DENND1B: variants seen among roughly 807,000 people sequenced by gnomAD.
DENND1B encodes the protein DENN domain containing 1B.
In DENND1B, 59 loss-of-function variants were observed where a neutral mutation model predicts 90.1. That is an observed-to-expected ratio of 0.65 (90% confidence interval 0.53 to 0.81). The LOEUF (loss-of-function observed/expected upper bound fraction) is 0.81, where lower values mean the gene tolerates loss of function less well. Among genes scored for constraint, DENND1B ranks in the 40% least tolerant of loss-of-function variants. The pLI is 0.00. For missense variants in DENND1B, 862 were observed against 912.6 expected (o/e 0.94, Z 0.71); for synonymous variants, 337 against 324.6 (o/e 1.04, Z -0.41).
intron 6 of DENND1B, among the ~76,000 whole-genome samples, chr1:197,654,002 C>G (rs1039449085): frequency 2.0e-5 from 3 of 152,100 alleles, no homozygotes; most frequent in Non-Finnish European, 4.4e-5. Flanking sequence ...ACAGCTTCAA[C>G]ATAAAATTAT....
At chr1:197,514,242 C>G (rs1043252751) in intron 20 of DENND1B, among the ~76,000 whole-genome samples, 1 of 151,672 alleles carries the variant, frequency 6.6e-6, no homozygotes, top group Admixed American at 6.6e-5. Context: ...ACCTTATCAA[C>G]TATTTGACTA....
chr1:197,649,490 A>G (rs115557334), intron 7 of DENND1B, among the ~76,000 whole-genome samples: 1 of 152,162 alleles, frequency 6.6e-6, no homozygotes, highest in Non-Finnish European at 1.5e-5. Context: ...CTACTATCAC[A>G]TGAAATCACA....
intron 5 of DENND1B, among the ~76,000 whole-genome samples, chr1:197,660,545 G>C (rs941152300): frequency 1.8e-4 from 28 of 152,020 alleles, no homozygotes; most frequent in African/African-American, 6.8e-4. Flanking sequence ...AAGAATGAGT[G>C]AATGAACAGC....
rs1025070161 is a variant in DENND1B at position 197,745,617 on chromosome 1, T to A, written c.82+27251A>T. ...TGATAACAGATCACCATATATATATTATATATATATATATATATATATAAT... is the reference window on the plus strand; with the variant it reads ...TGATAACAGATCACCATATATATATAATATATATATATATATATATATAAT... On this transcript the variant is annotated intron_variant, in intron 2 of 22. Transcript: ENST00000620048. Among the ~76,000 whole-genome samples the A allele has an allele frequency of 6.0e-5, 8 of 133,764 alleles. No individual in the cohort carries two copies. In the East Asian group the frequency reaches 8.3e-4, roughly 14 times the overall value. 87.8% of individuals were successfully genotyped at this position (133,764 alleles called of 152,430 possible).
chr1:197,510,715 A>G lies in DENND1B; in HGVS notation c.2073T>C (p.Pro691=), dbSNP rs755990594. ...TSGLDFQLTS[P]EVSQTDKGKT... is the part of the protein sequence containing the mutation. ...TTCCTTTATCAGTCTGGGAAACTTC[A>G]GGGGAAGTGAGTTGGAAATCCAGTC... Residue 691 remains proline (P), a synonymous_variant, in exon 23 of 23, where the codon CCT becomes CCC. Coordinates refer to ENST00000620048, the MANE Select transcript of DENND1B (RefSeq NM_001195215.2). The G allele has an allele frequency of 6.2e-7, 1 of 1,612,706 alleles. No homozygotes were observed. The highest frequency in any genetic ancestry group is 1.1e-5 in the South Asian group (1 of 91,038).
At chr1:197,552,173 A>C in intron 16 of DENND1B, 1 of 954,474 alleles carries the variant, frequency 1.0e-6, no homozygotes, top group South Asian at 4.8e-5. Flanking sequence ...TATAGACTGA[A>C]GTTTTTTTTC....
chr1:197,604,818 T>C (rs1676527132), intron 13 of DENND1B, among the ~76,000 whole-genome samples: 1 of 151,174 alleles, frequency 6.6e-6, no homozygotes, highest in South Asian at 2.1e-4. Context: ...TTCTGTCTAG[T>C]GGGGCAGGGG....
chr1:197,563,534 C>G (rs1354245939), intron 15 of DENND1B, among the ~76,000 whole-genome samples: 1 of 151,928 alleles, frequency 6.6e-6, no homozygotes, highest in African/African-American at 2.4e-5. Context: ...GAAACAAAGA[C>G]TCCTTTCAAA....
intron 20 of DENND1B, among the ~76,000 whole-genome samples, chr1:197,529,290 ATGTATATATG>A (rs1257933760): frequency 8.3e-5 from 12 of 145,434 alleles, no homozygotes; most frequent in East Asian, 4.0e-4. Context: ...ATGTATATAT[ATGTATATATG>A]TGTATATATG....
intron 2 of DENND1B, among the ~76,000 whole-genome samples, chr1:197,732,060 G>C (rs1662204420): frequency 6.6e-6 from 1 of 152,162 alleles, no homozygotes; most frequent in Non-Finnish European, 1.5e-5. Flanking sequence ...AGTGAACAGA[G>C]GTAATGCATT....
At chr1:197,738,657 C>G (rs542233083) in intron 2 of DENND1B, among the ~76,000 whole-genome samples, 1 of 152,302 alleles carries the variant, frequency 6.6e-6, no homozygotes, top group East Asian at 1.9e-4. Flanking sequence ...TTCTTCTAAC[C>G]ATAGATGCAG....
intron 15 of DENND1B, among the ~76,000 whole-genome samples, chr1:197,554,831 T>TC (rs1671576203): frequency 9.5e-4 from 2 of 2,112 alleles, no homozygotes; most frequent in Admixed American, 6.2e-3. Context: ...AGACTCCATC[T>TC]CAAAAAAAAA....
chr1:197,724,186 C>T (rs561509297), intron 2 of DENND1B, among the ~76,000 whole-genome samples: 14 of 151,956 alleles, frequency 9.2e-5, no homozygotes, highest in Non-Finnish European at 1.8e-4. Context: ...ATACTAACTA[C>T]AAAAATGACT....
chr1:197,685,553 C>T (rs191055258), intron 3 of DENND1B: 1 of 152,056 alleles, frequency 6.6e-6, no homozygotes, highest in African/African-American at 2.4e-5. Context: ...TAATTATGTT[C>T]TGTATTTTTA....
At chr1:197,593,778 G>C (rs1468934663) in intron 14 of DENND1B, among the ~76,000 whole-genome samples, 1 of 152,014 alleles carries the variant, frequency 6.6e-6, no homozygotes, top group Non-Finnish European at 1.5e-5. Context: ...AGTTTATAAA[G>C]ATGAATACGT....
chr1:197,592,852 T>C (rs1193678354), intron 14 of DENND1B, among the ~76,000 whole-genome samples: 1 of 152,164 alleles, frequency 6.6e-6, no homozygotes, highest in African/African-American at 2.4e-5. Flanking sequence ...GTATAAACAA[T>C]CATAAAATTT....
chr1:197,556,055 C>G (rs1369643005), intron 15 of DENND1B, among the ~76,000 whole-genome samples: 1 of 151,900 alleles, frequency 6.6e-6, no homozygotes, highest in Non-Finnish European at 1.5e-5. Context: ...CATTTGCAAC[C>G]AATAAATGAT....
chr1:197,749,787 ATTCTC>A (rs1653206323), intron 2 of DENND1B, among the ~76,000 whole-genome samples: 2 of 151,966 alleles, frequency 1.3e-5, no homozygotes, highest in Non-Finnish European at 2.9e-5. Flanking sequence ...AATTATGGGG[ATTCTC>A]TTACTTAATA....
intron 10 of DENND1B, among the ~76,000 whole-genome samples, chr1:197,630,018 T>C (rs1679184171): frequency 6.6e-6 from 1 of 152,000 alleles, no homozygotes; most frequent in South Asian, 2.1e-4. Flanking sequence ...TACGCACCTA[T>C]TAGAATGGCC....
Sources: allele counts gnomAD v4.1 joint callset (sites outside exome capture counted in the v4.1 genomes callset), GRCh38; gene constraint gnomAD v4.1.1; transcripts MANE v1.5; gene names NCBI Gene and HGNC (gene_info 2026-07-23, HGNC 2026-07-21).